NAALADL2: variants seen among roughly 807,000 people sequenced by gnomAD.
NAALADL2 encodes the protein N-acetylated alpha-linked acidic dipeptidase like 2, also known as inactive N-acetylated-alpha-linked acidic dipeptidase-like protein 2.
In NAALADL2, 76 loss-of-function variants were observed where a neutral mutation model predicts 87.2. The ratio of observed to expected loss-of-function variants is 0.87; its 90% CI spans 0.72 to 1.05. NAALADL2 has a LOEUF of 1.05. Ranked by LOEUF, NAALADL2 falls within the 50% of genes least tolerant of loss-of-function variation. The pLI, the probability that NAALADL2 is intolerant of heterozygous loss-of-function variation, is 0.00. For synonymous variants in NAALADL2, 354 were observed against 331.0 expected, an observed-to-expected ratio of 1.07 and a Z score of -0.75; for missense variants, 1,089 against 945.8, an observed-to-expected ratio of 1.15 and a Z score of -1.99.
rs1754367702 is a variant in NAALADL2 at position 175,802,985 on chromosome 3, C to T, written c.2190-20C>T. 1.9e-6 allele frequency: 3 copies of T among 1,542,850 alleles called. No individual in the cohort carries two copies. Among genetic ancestry groups the T allele is most frequent in the Non-Finnish European group, 2.7e-6 (3 of 1,118,474 alleles). ...TAGCATTGTGCATGAAACATTTATA[C>T]ATTTTGTATTTCTTTTCAGAAACAT... is the stretch of plus-strand genomic sequence containing the variant. On this transcript the variant is annotated intron_variant, in intron 13 of 13. Coordinates refer to ENST00000454872, the MANE Select transcript of NAALADL2 (RefSeq NM_207015.3).
intron 3 of NAALADL2, among the ~76,000 whole-genome samples, chr3:174,806,146 T>C (rs1206023373): frequency 6.6e-6 from 1 of 152,202 alleles, no homozygotes; most frequent in Non-Finnish European, 1.5e-5. Context: ...TGGTTGGGCT[T>C]CTCCCAAAGC....
At chr3:174,902,817 ATCTGAGATATAGATGGAGCT>A (rs1732474041) in intron 1 of NAALADL2, among the ~76,000 whole-genome samples, 1 of 152,128 alleles carries the variant, frequency 6.6e-6, no homozygotes, top group Non-Finnish European at 1.5e-5. Flanking sequence ...CAAAGGCATT[ATCTGAGATATAGATGGAGCT>A]TCTGAGAAAT....
chr3:174,883,108 C>T (rs1299880666), intron 1 of NAALADL2, among the ~76,000 whole-genome samples: 1 of 151,902 alleles, frequency 6.6e-6, no homozygotes, highest in Non-Finnish European at 1.5e-5. Flanking sequence ...GGAGGCTAGA[C>T]CAGTGTATCT....
intron 2 of NAALADL2, among the ~76,000 whole-genome samples, chr3:175,180,568 T>A (rs1336679438): frequency 6.6e-6 from 1 of 151,962 alleles, no homozygotes; most frequent in Non-Finnish European, 1.5e-5. Context: ...TCCCACACAC[T>A]GTATCTCTCT....
intron 6 of NAALADL2, among the ~76,000 whole-genome samples, chr3:175,448,821 T>C (rs977757552): frequency 1.3e-5 from 2 of 152,110 alleles, no homozygotes; most frequent in Non-Finnish European, 2.9e-5. Context: ...GCAATTCTCC[T>C]ACCTCAGCCT....
At chr3:175,206,260 A>ATTTT (rs1475347744) in intron 2 of NAALADL2, among the ~76,000 whole-genome samples, 4 of 92,662 alleles carry the variant, frequency 4.3e-5, no homozygotes, top group African/African-American at 2.9e-4. Context: ...ATATATATAT[A>ATTTT]TATTTTTTTT....
chr3:174,566,626 TTA>T (rs1365041998), intron 2 of NAALADL2, among the ~76,000 whole-genome samples: 19 of 151,920 alleles, frequency 1.3e-4, no homozygotes, highest in Admixed American at 1.0e-3. Context: ...ATTCCATATT[TTA>T]TGTCTTTAAT....
At chr3:175,176,580 G>T (rs1735722920) in intron 2 of NAALADL2, among the ~76,000 whole-genome samples, 1 of 152,100 alleles carries the variant, frequency 6.6e-6, no homozygotes. Context: ...TTTGAAAAGG[G>T]GAGATTGTTT....
chr3:174,727,104 A>G (rs1309270493), intron 2 of NAALADL2, among the ~76,000 whole-genome samples: 2 of 151,840 alleles, frequency 1.3e-5, no homozygotes, highest in Admixed American at 6.6e-5. Context: ...TTATTTGAAT[A>G]TTTCTTTGGC....
At position 175,236,609 on chromosome 3, in the gene NAALADL2, C is replaced by T. The variant is rs564520490; in HGVS notation, c.819+2405C>T. Reference sequence around the variant, plus strand: ...TGGGTATATTAACAGATATTGTATACTTCTAATTTCTGATTCATACTCACT... The same window carrying T: ...TGGGTATATTAACAGATATTGTATATTTCTAATTTCTGATTCATACTCACT... On this transcript the variant is annotated intron_variant, in intron 3 of 13. Transcript: ENST00000454872. 2.0e-5 allele frequency among the ~76,000 whole-genome samples: 3 copies of T among 149,884 alleles called. No homozygotes were observed. The South Asian group carries it at 6.4e-4, about 32-fold the overall frequency.
At chr3:175,730,661 G>A (rs534297894) in intron 11 of NAALADL2, among the ~76,000 whole-genome samples, 1 of 151,710 alleles carries the variant, frequency 6.6e-6, no homozygotes, top group South Asian at 2.1e-4. Flanking sequence ...TTTAGTAAGA[G>A]AGGAAAGCCT....
chr3:175,186,743 T>C (rs1262331081), intron 2 of NAALADL2, among the ~76,000 whole-genome samples: 2 of 152,114 alleles, frequency 1.3e-5, no homozygotes, highest in Admixed American at 1.3e-4. Flanking sequence ...TGTGAAATTC[T>C]TTGAACTGTT....
At chr3:175,667,267 A>AAGGG (rs1560944025) in intron 11 of NAALADL2, among the ~76,000 whole-genome samples, 1 of 145,920 alleles carries the variant, frequency 6.9e-6, no homozygotes, top group Non-Finnish European at 1.5e-5. Context: ...GAAAGAAAGG[A>AAGGG]AGGAAGGGAT....
At chr3:175,719,834 C>T (rs1458458422) in intron 11 of NAALADL2, among the ~76,000 whole-genome samples, 1 of 152,168 alleles carries the variant, frequency 6.6e-6, no homozygotes, top group African/African-American at 2.4e-5. Context: ...GATCAAGGCA[C>T]TGGCAGGTTC....
At chr3:175,331,713 C>T (rs1028749665) in intron 5 of NAALADL2, among the ~76,000 whole-genome samples, 1 of 152,210 alleles carries the variant, frequency 6.6e-6, no homozygotes, top group African/African-American at 2.4e-5. Flanking sequence ...TGTCCACTTT[C>T]ACCATTCCTA....
intron 10 of NAALADL2, among the ~76,000 whole-genome samples, chr3:175,617,647 G>A (rs959013979): frequency 2.0e-5 from 3 of 152,092 alleles, no homozygotes; most frequent in African/African-American, 4.8e-5. Context: ...AAAGACTAAC[G>A]TGGCCACTTT....
rs527589013 is a variant in NAALADL2, at chr3:174,444,634, C to T, written c.-184+3602C>T. ...GATGAGGAAGTTAGCAACATTGAGT[C>T]TCACCTCCCGTGGAGCTTATAACTA... On this transcript the variant is annotated intron_variant, in intron 1 of 3. Transcript: ENST00000434257. Among the ~76,000 whole-genome samples the T allele has an allele frequency of 2.0e-5, 3 of 152,250 alleles. No homozygotes were observed. The East Asian group carries it at 5.8e-4, about 29-fold the overall frequency.
At chr3:175,205,369 G>A (rs1740658497) in intron 2 of NAALADL2, among the ~76,000 whole-genome samples, 1 of 152,154 alleles carries the variant, frequency 6.6e-6, no homozygotes, top group South Asian at 2.1e-4. Flanking sequence ...TCAACAAATG[G>A]TGCTGGGATA....
intron 2 of NAALADL2, among the ~76,000 whole-genome samples, chr3:175,114,671 G>A (rs957277019): frequency 1.3e-5 from 2 of 151,540 alleles, no homozygotes; most frequent in African/African-American, 2.4e-5. Flanking sequence ...TCTAGGATAT[G>A]CTCTAGAACC....
Sources: allele counts gnomAD v4.1 joint callset (sites outside exome capture counted in the v4.1 genomes callset), GRCh38; gene constraint gnomAD v4.1.1; transcripts MANE v1.5; gene names NCBI Gene and HGNC (gene_info 2026-07-23, HGNC 2026-07-21).